The following LYPLAL1 variants were observed in gnomAD, a reference collection of about 807,000 sequenced individuals.
The protein encoded by LYPLAL1 is lysophospholipase-like protein 1.
A neutral mutation model predicts 19.7 loss-of-function variants in LYPLAL1; 23 were observed. The ratio of observed to expected loss-of-function variants is 1.17; its 90% CI spans 0.84 to 1.65. The LOEUF (loss-of-function observed/expected upper bound fraction) is 1.65. Ranked by LOEUF, LYPLAL1 falls within the 40% of genes most tolerant of loss-of-function variation. LYPLAL1 has a pLI of 0.00. For synonymous variants in LYPLAL1, 119 were observed against 96.3 expected (o/e 1.24, Z -1.38); for missense variants, 355 against 279.4 (o/e 1.27, Z -1.93).
At chr1:219,328,867 A>C in the LYPLAL1 span, among the ~76,000 whole-genome samples, 2 of 152,156 alleles carry the variant, frequency 1.3e-5, no homozygotes, top group African/African-American at 2.4e-5. Context: ...CTAAAATTGC[A>C]AAACTAGTTC....
chr1:219,229,177 G>T, the LYPLAL1 span, among the ~76,000 whole-genome samples: 1 of 151,812 alleles, frequency 6.6e-6, no homozygotes, highest in African/African-American at 2.4e-5. Context: ...TATTTCTTCC[G>T]ATATGGAAGT....
rs766138015 is a variant in LYPLAL1, at chr1:219,210,517, T to C, written c.362-15T>C. 1.4e-6 allele frequency: 2 copies of C among 1,479,080 alleles called. No individual in the cohort carries two copies. Among genetic ancestry groups the C allele is most frequent in the South Asian group, 1.2e-5 (1 of 80,520 alleles). The allele number at this position is 1,479,080 out of a possible 1,614,324, so 91.6% of individuals were successfully genotyped here. On this transcript the variant is annotated splice_polypyrimidine_tract_variant and intron_variant, in intron 3 of 4. Coordinates refer to ENST00000366928, the MANE Select transcript of LYPLAL1 (RefSeq NM_138794.5). The stretch of plus-strand genomic sequence containing the variant: ...ATTTTATGTATTCTACTTTTAAGTA[T>C]GTTTTTGTTTTTAGGAGGATTCTCT...
At chr1:219,268,774 T>C in the LYPLAL1 span, among the ~76,000 whole-genome samples, 1 of 152,228 alleles carries the variant, frequency 6.6e-6, no homozygotes, top group Non-Finnish European at 1.5e-5. Flanking sequence ...TTCATTATTC[T>C]GTAGTCACTC....
At chr1:219,236,071 C>T in the LYPLAL1 span, among the ~76,000 whole-genome samples, 1 of 152,098 alleles carries the variant, frequency 6.6e-6, no homozygotes, top group African/African-American at 2.4e-5. Context: ...GCCAAACAAA[C>T]ATATGGACAT....
chr1:219,353,096 T>C, the LYPLAL1 span, among the ~76,000 whole-genome samples: 1 of 152,182 alleles, frequency 6.6e-6, no homozygotes, highest in Non-Finnish European at 1.5e-5. Flanking sequence ...ATGTAATGTT[T>C]AGGAGAAGTG....
chr1:219,234,513 G>A, the LYPLAL1 span, among the ~76,000 whole-genome samples: 1 of 151,994 alleles, frequency 6.6e-6, no homozygotes, highest in Non-Finnish European at 1.5e-5. Context: ...AAAAGATAAT[G>A]TAATGTTAGT....
the LYPLAL1 span, among the ~76,000 whole-genome samples, chr1:219,304,891 G>A: frequency 4.3e-3 from 648 of 152,228 alleles, 5 homozygotes; most frequent in African/African-American, 0.015. Flanking sequence ...TTTTCCTATC[G>A]GCAAAGAGGC....
the LYPLAL1 span, among the ~76,000 whole-genome samples, chr1:219,312,163 A>G: frequency 6.6e-6 from 1 of 152,146 alleles, no homozygotes; most frequent in Non-Finnish European, 1.5e-5. Flanking sequence ...GAAGTTGAGG[A>G]GAAGGACATA....
At chr1:219,426,867 G>C in the LYPLAL1 span, among the ~76,000 whole-genome samples, 1,514 of 152,222 alleles carry the variant, frequency 9.9e-3, 12 homozygotes, top group South Asian at 0.025. Context: ...CCAAAGTGCT[G>C]GGATTACAGG....
chr1:219,320,450 T>A, the LYPLAL1 span, among the ~76,000 whole-genome samples: 1 of 152,208 alleles, frequency 6.6e-6, no homozygotes, highest in African/African-American at 2.4e-5. Flanking sequence ...AATTTAATTT[T>A]ATTATTATAC....
the LYPLAL1 span, among the ~76,000 whole-genome samples, chr1:219,246,563 G>A: frequency 4.5e-3 from 690 of 152,200 alleles, 4 homozygotes; most frequent in Non-Finnish European, 7.7e-3. Flanking sequence ...CAAATGCCCC[G>A]TTTACAAGTA....
chr1:219,312,191 G>T, the LYPLAL1 span, among the ~76,000 whole-genome samples: 1 of 152,114 alleles, frequency 6.6e-6, no homozygotes, highest in East Asian at 1.9e-4. Context: ...AGGAAGGAGG[G>T]CACTGGACTT....
At chr1:219,403,908 G>A in the LYPLAL1 span, among the ~76,000 whole-genome samples, 20 of 152,030 alleles carry the variant, frequency 1.3e-4, no homozygotes, top group African/African-American at 4.3e-4. Flanking sequence ...ACAAAATACC[G>A]TAGGCTGGGT....
At chr1:219,399,973 C>T in the LYPLAL1 span, among the ~76,000 whole-genome samples, 37,711 of 152,074 alleles carry the variant, frequency 0.25, 4,759 homozygotes, top group Non-Finnish European at 0.28. Flanking sequence ...AAGCAGCTCT[C>T]CCTGCCAACT....
At chr1:219,319,409 C>T in the LYPLAL1 span, among the ~76,000 whole-genome samples, 1 of 152,154 alleles carries the variant, frequency 6.6e-6, no homozygotes, top group African/African-American at 2.4e-5. Context: ...TGTACTGGAA[C>T]TGCTGAGAGG....
chr1:219,344,114 C>T, the LYPLAL1 span, among the ~76,000 whole-genome samples: 1 of 152,148 alleles, frequency 6.6e-6, no homozygotes, highest in African/African-American at 2.4e-5. Flanking sequence ...AATGAACACT[C>T]AGTCCTTCTT....
the LYPLAL1 span, among the ~76,000 whole-genome samples, chr1:219,360,139 G>A: frequency 2.0e-5 from 3 of 152,192 alleles, no homozygotes; most frequent in African/African-American, 7.2e-5. Flanking sequence ...AGAATGGACT[G>A]TAGCCAGCAA....
At chr1:219,290,742 T>G in the LYPLAL1 span, among the ~76,000 whole-genome samples, 17 of 152,290 alleles carry the variant, frequency 1.1e-4, no homozygotes, top group Admixed American at 1.1e-3. Context: ...CCCAAATTCT[T>G]TCTTGAGCGA....
chr1:219,295,871 G>T, the LYPLAL1 span, among the ~76,000 whole-genome samples: 1 of 152,090 alleles, frequency 6.6e-6, no homozygotes, highest in East Asian at 1.9e-4. Flanking sequence ...AGCACCTTCC[G>T]CTAAATCCCC....
Sources: gnomAD v4.1 joint callset for allele counts (sites outside exome capture counted in the v4.1 genomes callset) on GRCh38, gnomAD v4.1.1 for gene constraint, MANE v1.5 for transcripts, NCBI Gene and HGNC (gene_info 2026-07-23, HGNC 2026-07-21) for gene names.